TRPC3: variants seen among roughly 807,000 people sequenced by gnomAD.
TRPC3 encodes the protein short transient receptor potential channel 3.
A neutral mutation model predicts 90.9 loss-of-function variants in TRPC3; 54 were observed. The observed-to-expected ratio is 0.59, with a 90% CI of 0.48 to 0.75. TRPC3 has a LOEUF of 0.75. Among genes scored for constraint, TRPC3 ranks in the 30% least tolerant of loss-of-function variants. The pLI is 0.00. For missense variants in TRPC3, 918 were observed against 1,194.5 expected (o/e 0.77, Z 3.41); for synonymous variants, 424 against 450.9 (o/e 0.94, Z 0.75).
rs574639924 is a variant in TRPC3 at position 121,877,489 on chromosome 4, G to A, written c.*2247C>T. On this transcript the variant is annotated 3_prime_UTR_variant, in exon 12 of 12. Coordinates refer to ENST00000379645, the MANE Select transcript of TRPC3 (RefSeq NM_001130698.2). ...GGGAGGCGGAGGCATCACATCCCGA[G>A]CAAGGCTTCTTCTTTTTAGCTGAGG... 6.6e-6 allele frequency among the ~76,000 whole-genome samples: 1 copy of A among 152,262 alleles called. No homozygotes were observed. Among genetic ancestry groups the A allele is most frequent in the East Asian group, 1.9e-4 (1 of 5,176 alleles).
At chr4:121,882,942 G>C (rs1247112781) in intron 10 of TRPC3, among the ~76,000 whole-genome samples, 2 of 151,794 alleles carry the variant, frequency 1.3e-5, no homozygotes, top group Non-Finnish European at 2.9e-5. Flanking sequence ...TTTAAAATTT[G>C]TATATATACT....
rs201210954 is a variant in TRPC3 at position 121,883,355 on chromosome 4, G to A, written c.2548-926C>T. Among the ~76,000 whole-genome samples, 58 of 152,144 alleles carry A rather than the reference G, an allele frequency of 3.8e-4. 2 individuals carry two copies. In the East Asian group the frequency reaches 0.011, roughly 28 times the overall value. On this transcript the variant is annotated intron_variant, in intron 10 of 11. Transcript: ENST00000379645. Reference sequence around the variant, plus strand: ...TACTATAAAGAAAGTGAAAAGGCAAGCCATAAACTGGGAGAAAATATTGGT... The same window carrying A: ...TACTATAAAGAAAGTGAAAAGGCAAACCATAAACTGGGAGAAAATATTGGT...
At chr4:121,917,561 T>C (rs1255156801) in intron 3 of TRPC3, among the ~76,000 whole-genome samples, 1 of 152,222 alleles carries the variant, frequency 6.6e-6, no homozygotes, top group East Asian at 1.9e-4. Flanking sequence ...TAAGAGGTCA[T>C]TGTTCTAGGG....
At chr4:121,943,163 AAGACC>A (rs1371092532) in intron 1 of TRPC3, among the ~76,000 whole-genome samples, 1 of 145,388 alleles carries the variant, frequency 6.9e-6, no homozygotes, top group Non-Finnish European at 1.5e-5. Context: ...CACATCACTG[AAGACC>A]TAAGGAACAG....
chr4:121,941,187 T>G (rs1331308463), intron 1 of TRPC3, among the ~76,000 whole-genome samples: 1 of 152,222 alleles, frequency 6.6e-6, no homozygotes, highest in Non-Finnish European at 1.5e-5. Context: ...GGTGTTTGGG[T>G]TGAATCACAA....
intron 11 of TRPC3, among the ~76,000 whole-genome samples, chr4:121,881,070 T>C (rs2149102740): frequency 6.6e-6 from 1 of 152,162 alleles, no homozygotes; most frequent in Non-Finnish European, 1.5e-5. Context: ...CTCACACCAT[T>C]CAGTACCGCA....
At chr4:121,914,991 C>T (rs746576560) in intron 3 of TRPC3, 47 bp from the exon 4 acceptor site, 2 of 1,515,310 alleles carry the variant, frequency 1.3e-6, no homozygotes, top group Non-Finnish European at 1.8e-6. Flanking sequence ...AGGTAAGTTA[C>T]CATACCATTG....
chr4:121,940,621 C>T (rs1429489474), intron 1 of TRPC3, among the ~76,000 whole-genome samples: 1 of 152,222 alleles, frequency 6.6e-6, no homozygotes, highest in African/African-American at 2.4e-5. Context: ...CAGAGGGTCA[C>T]GTTTCACAGG....
intron 6 of TRPC3, among the ~76,000 whole-genome samples, chr4:121,907,841 T>C (rs1728942306): frequency 6.6e-6 from 1 of 151,914 alleles, no homozygotes; most frequent in African/African-American, 2.4e-5. Flanking sequence ...CATGGAGAGG[T>C]TAAAACACTT....
At chr4:121,933,195 C>G (rs1020017871) in intron 1 of TRPC3, 153 bp from the exon 2 acceptor site, 1 of 1,335,014 alleles carries the variant, frequency 7.5e-7, no homozygotes, top group Non-Finnish European at 9.6e-7. Context: ...GCTAACTACT[C>G]GCCTGAAAGT....
chr4:121,944,253 C>A (rs987897625), intron 1 of TRPC3, among the ~76,000 whole-genome samples: 5 of 152,114 alleles, frequency 3.3e-5, no homozygotes, highest in African/African-American at 1.2e-4. Flanking sequence ...TGCCCAGCAG[C>A]CATTCATCAT....
At chr4:121,882,592 C>T (rs1727981505) in intron 10 of TRPC3, among the ~76,000 whole-genome samples, 163 bp from the exon 11 acceptor site, 1 of 152,128 alleles carries the variant, frequency 6.6e-6, no homozygotes, top group Non-Finnish European at 1.5e-5. Context: ...ACTTAACTCT[C>T]TTAATGCCTT....
At chr4:121,890,065 GA>G (rs1468566189) in intron 10 of TRPC3, among the ~76,000 whole-genome samples, 1 of 152,172 alleles carries the variant, frequency 6.6e-6, no homozygotes, top group Admixed American at 6.5e-5. Flanking sequence ...GCCAGGTACA[GA>G]AAGGCAAATA....
chr4:121,900,770 T>G (rs973372149), intron 9 of TRPC3, among the ~76,000 whole-genome samples: 1 of 152,314 alleles, frequency 6.6e-6, no homozygotes, highest in Non-Finnish European at 1.5e-5. Flanking sequence ...ATATGCAAAA[T>G]TTTTAAAAAT....
intron 10 of TRPC3, among the ~76,000 whole-genome samples, chr4:121,884,865 C>T (rs1728059068): frequency 6.6e-6 from 1 of 152,114 alleles, no homozygotes; most frequent in Non-Finnish European, 1.5e-5. Context: ...GCTAGGAATA[C>T]AACAGTGAAC....
chr4:121,880,245 A>G (rs1253658704), intron 11 of TRPC3, among the ~76,000 whole-genome samples: 1 of 152,204 alleles, frequency 6.6e-6, no homozygotes, highest in Non-Finnish European at 1.5e-5. Flanking sequence ...TGACACCTGC[A>G]TCAAATATCT....
intron 11 of TRPC3, among the ~76,000 whole-genome samples, 167 bp from the exon 12 acceptor site, chr4:121,880,045 T>C (rs1394819866): frequency 6.6e-6 from 1 of 152,176 alleles, no homozygotes; most frequent in African/African-American, 2.4e-5. Flanking sequence ...TCTTTAAAGG[T>C]ACACTGACCT....
chr4:121,945,389 T>G (rs1730448544), intron 1 of TRPC3, among the ~76,000 whole-genome samples: 1 of 152,158 alleles, frequency 6.6e-6, no homozygotes, highest in African/African-American at 2.4e-5. Flanking sequence ...GCAACACAAA[T>G]TTCATCTTCC....
intron 1 of TRPC3, among the ~76,000 whole-genome samples, chr4:121,934,407 T>C (rs1000699088): frequency 3.3e-5 from 5 of 152,188 alleles, no homozygotes; most frequent in Non-Finnish European, 5.9e-5. Flanking sequence ...AATCTGTATC[T>C]TACCTTACCC....
Sources: gnomAD v4.1 joint callset for allele counts (sites outside exome capture counted in the v4.1 genomes callset) on GRCh38, gnomAD v4.1.1 for gene constraint, MANE v1.5 for transcripts, NCBI Gene and HGNC (gene_info 2026-07-23, HGNC 2026-07-21) for gene names.